Variants in PDE5A observed in about 807,000 individuals in gnomAD.
The protein encoded by PDE5A is phosphodiesterase 5A.
Under a neutral mutation model 110.2 loss-of-function variants are expected in PDE5A, and 67 were observed. The ratio of observed to expected loss-of-function variants is 0.61; its 90% CI spans 0.50 to 0.75. PDE5A has a LOEUF of 0.75. Among genes scored for constraint, PDE5A ranks in the 30% least tolerant of loss-of-function variants. PDE5A has a pLI of 0.00. For missense variants in PDE5A, 862 were observed against 1,045.1 expected, an observed-to-expected ratio of 0.82 and a Z score of 2.42; for synonymous variants, 328 against 351.2, an observed-to-expected ratio of 0.93 and a Z score of 0.74.
At position 119,497,957 on chromosome 4, in the gene PDE5A, T is replaced by C. The variant is rs1047158062; in HGVS notation, c.*644A>G. 1.3e-5 allele frequency: 2 copies of C among 152,208 alleles called. No homozygotes were observed. Among genetic ancestry groups the C allele is most frequent in the Non-Finnish European group, 2.9e-5 (2 of 68,040 alleles). 9.4% of individuals were successfully genotyped at this position (152,208 alleles called of 1,614,324 possible). A position where few individuals can be genotyped will look rare whatever the true frequency, so the allele number is the denominator to read the frequency against. On this transcript the variant is annotated 3_prime_UTR_variant, in exon 21 of 21. Transcript: ENST00000354960. Reference sequence around the variant, plus strand: ...TAGCTTTCAGAAAAATGTACTGCACTGAAGTGACAAAGTTCTGTCTTGCCT... The same window carrying C: ...TAGCTTTCAGAAAAATGTACTGCACCGAAGTGACAAAGTTCTGTCTTGCCT...
At chr4:119,509,677 T>G (rs776358534) in intron 15 of PDE5A, among the ~76,000 whole-genome samples, 3 of 152,036 alleles carry the variant, frequency 2.0e-5, no homozygotes, top group Non-Finnish European at 4.4e-5. Context: ...ACACATGATA[T>G]AATTCACATT....
chr4:119,628,381 TAG>T (rs1481375041), intron 1 of PDE5A, 137 bp downstream of exon 1: 14 of 589,488 alleles, frequency 2.4e-5, no homozygotes, highest in African/African-American at 3.8e-5. Flanking sequence ...TGTGCTCGCT[TAG>T]AGTTGAGGTT....
rs916114296 is a variant in PDE5A at position 119,587,484 on chromosome 4, C to T, written c.831+9039G>A. 1.1e-4 allele frequency among the ~76,000 whole-genome samples: 16 copies of T among 152,070 alleles called. No individual in the cohort carries two copies. The South Asian group carries it at 1.5e-3, about 14-fold the overall frequency. ...CTGCAAGCTCCGCTTCCCGGGTTCA[C>T]GCCATTCTCCTGCCTCAGCCTCCCG... On this transcript the variant is annotated intron_variant, in intron 3 of 20. Transcript: ENST00000354960.
At chr4:119,506,439 A>G (rs138226752) in intron 16 of PDE5A, among the ~76,000 whole-genome samples, 1 of 151,836 alleles carries the variant, frequency 6.6e-6, no homozygotes, top group Non-Finnish European at 1.5e-5. Context: ...GTGTACAGTG[A>G]ATACCTCTTT....
chr4:119,543,213 A>G (rs1039583041), intron 9 of PDE5A: 3 of 152,194 alleles, frequency 2.0e-5, no homozygotes, highest in African/African-American at 7.2e-5. Context: ...AATTATGCAA[A>G]TAAAAATGAC....
At chr4:119,499,748 G>A (rs1428585440) in intron 20 of PDE5A, 2 of 152,014 alleles carry the variant, frequency 1.3e-5, no homozygotes, top group Admixed American at 6.6e-5. Context: ...GTAGGGATGG[G>A]GTTTCACCAT....
rs1366300243 is a variant in PDE5A, at chr4:119,497,254, C to T, written c.*1347G>A. ...CTCTCCCCAAATCCAAACATTCCTG[C>T]ATATTTGAAACAAATTTTCCTTTCC... On this transcript the variant is annotated 3_prime_UTR_variant, in exon 21 of 21. Transcript: ENST00000354960. 1.3e-5 allele frequency: 2 copies of T among 152,112 alleles called. No individual in the cohort carries two copies. The highest frequency in any genetic ancestry group is 4.8e-5 in the African/African-American group (2 of 41,438). The allele number at this position is 152,112 out of a possible 1,614,324, so 9.4% of individuals were successfully genotyped here. A position where few individuals can be genotyped will look rare whatever the true frequency, so the allele number is the denominator to read the frequency against.
At position 119,606,719 on chromosome 4, in the gene PDE5A, T is replaced by C. The variant is rs200718233; in HGVS notation, c.731A>G (p.Asp244Gly). 6.2e-7 allele frequency: 1 copy of C among 1,613,268 alleles called. No homozygotes were observed. ...TGCTCCCCTGTTTACCTCATATGCA[T>C]CTTTGATGTTCAAGGGCTCACCAAG... ...AALGEPLNIKDAYEDPRFNAE... is the reference protein window; with the variant it reads ...AALGEPLNIKGAYEDPRFNAE... Residue 244 changes from aspartate (D) to glycine (G), a missense_variant, in exon 2 of 21, where the codon GAT becomes GGT. Physicochemically the swap from Asp to Gly is moderately conservative, Grantham distance 94. Transcript: ENST00000354960.
intron 6 of PDE5A, 85 bp downstream of exon 6, chr4:119,562,748 G>T: frequency 1.7e-6 from 2 of 1,200,192 alleles, no homozygotes; most frequent in Non-Finnish European, 2.3e-6. Context: ...AGGGTTCTAA[G>T]ACCAAAATGA....
chr4:119,563,789 A>T (rs2110506120), intron 5 of PDE5A, among the ~76,000 whole-genome samples: 1 of 152,266 alleles, frequency 6.6e-6, no homozygotes, highest in African/African-American at 2.4e-5. Flanking sequence ...AAGTGGTGTG[A>T]TCCCATCTGT....
intron 13 of PDE5A, 64 bp from the exon 14 acceptor site, chr4:119,519,203 T>C: frequency 8.4e-7 from 1 of 1,191,054 alleles, no homozygotes; most frequent in African/African-American, 1.5e-5. Context: ...GACATTATAT[T>C]ACCTCTTTTC....
chr4:119,564,674 C>T (rs186723255), intron 5 of PDE5A, among the ~76,000 whole-genome samples: 5 of 152,096 alleles, frequency 3.3e-5, no homozygotes, highest in Non-Finnish European at 7.4e-5. Context: ...GAAAAAAATT[C>T]AGAAACATCA....
chr4:119,561,072 G>A (rs529048709), intron 6 of PDE5A, among the ~76,000 whole-genome samples: 2 of 152,318 alleles, frequency 1.3e-5, no homozygotes, highest in South Asian at 2.1e-4. Context: ...AGTGAGCTGC[G>A]ATGGTGAGAT....
At chr4:119,561,028 C>CA (rs1440505694) in intron 6 of PDE5A, among the ~76,000 whole-genome samples, 3 of 152,132 alleles carry the variant, frequency 2.0e-5, no homozygotes, top group Non-Finnish European at 4.4e-5. Flanking sequence ...GGCTGAGGCA[C>CA]AAGAATTTCT....
chr4:119,581,073 T>C (rs529452514), intron 3 of PDE5A, among the ~76,000 whole-genome samples: 1 of 152,214 alleles, frequency 6.6e-6, no homozygotes, highest in Non-Finnish European at 1.5e-5. Context: ...CATCATTGCC[T>C]GTACTTATTA....
chr4:119,550,609 C>T lies in PDE5A; in HGVS notation c.1396+1941G>A, dbSNP rs7657515. Among the ~76,000 whole-genome samples the T allele has an allele frequency of 7.5e-3, 1,148 of 152,248 alleles. 13 individuals are homozygous for T. The highest frequency in any genetic ancestry group is 0.026 in the African/African-American group (1,080 of 41,536). Reference sequence around the variant, plus strand: ...TGCGTAACTTCCTCCAGCCACTCCCCGTTCCCAGTTATTATTCCAAAGAAA... The same window carrying T: ...TGCGTAACTTCCTCCAGCCACTCCCTGTTCCCAGTTATTATTCCAAAGAAA... On this transcript the variant is annotated intron_variant, in intron 9 of 20. Coordinates refer to ENST00000354960, the MANE Select transcript of PDE5A (RefSeq NM_001083.4).
chr4:119,498,423 A>G lies in PDE5A; in HGVS notation c.*178T>C. ...AGCATAAAACAAATATACAAAAAAT[A>G]TGTAATAGTCCTCTAAAAACATTCA... On this transcript the variant is annotated 3_prime_UTR_variant, in exon 21 of 21. Transcript: ENST00000354960. The G allele has an allele frequency of 1.7e-6, 1 of 603,414 alleles. No homozygotes were observed. Among genetic ancestry groups the G allele is most frequent in the Non-Finnish European group, 2.8e-6 (1 of 350,950 alleles). The allele number at this position is 603,414 out of a possible 1,614,324, so 37.4% of individuals were successfully genotyped here.
In PDE5A at chr4:119,496,675, T is replaced by G. The variant is rs1725085899; in HGVS notation, c.*1926A>C. 1 of 152,564 alleles carries G rather than the reference T, an allele frequency of 6.6e-6. No homozygotes were observed. Among genetic ancestry groups the G allele is most frequent in the African/African-American group, 2.4e-5 (1 of 41,452 alleles). 9.5% of individuals were successfully genotyped at this position (152,564 alleles called of 1,614,324 possible). ...AGGTTTATTAAAGATTGCTATTCTT[T>G]ATGCAATTTTTCTATACTAAGGATT... On this transcript the variant is annotated 3_prime_UTR_variant, in exon 21 of 21. Transcript: ENST00000354960.
chr4:119,613,038 T>G (rs1729812184), intron 1 of PDE5A, among the ~76,000 whole-genome samples: 1 of 152,184 alleles, frequency 6.6e-6, no homozygotes, highest in Non-Finnish European at 1.5e-5. Context: ...TATTCTGAAT[T>G]AAGAAAGCCC....
Sources: gnomAD v4.1 joint callset for allele counts (sites outside exome capture counted in the v4.1 genomes callset) on GRCh38, gnomAD v4.1.1 for gene constraint, MANE v1.5 for transcripts, NCBI Gene and HGNC (gene_info 2026-07-23, HGNC 2026-07-21) for gene names.